RAD18: variants seen among roughly 807,000 people sequenced by gnomAD.
RAD18 encodes E3 ubiquitin-protein ligase RAD18.
A neutral mutation model predicts 60.4 loss-of-function variants in RAD18; 47 were observed. The observed-to-expected ratio is 0.78, with a 90% CI of 0.62 to 0.99. RAD18 has a LOEUF of 0.99. Ranked by LOEUF, RAD18 falls within the 50% of genes least tolerant of loss-of-function variation. The pLI, the probability that RAD18 is intolerant of heterozygous loss-of-function variation, is 0.00. For missense variants in RAD18, 640 were observed against 593.3 expected (o/e 1.08, Z -0.82); for synonymous variants, 225 against 195.5 (o/e 1.15, Z -1.26).
intron 11 of RAD18, among the ~76,000 whole-genome samples, chr3:8,893,385 A>G (rs1039075855): frequency 2.0e-5 from 3 of 152,184 alleles, no homozygotes; most frequent in African/African-American, 4.8e-5. Flanking sequence ...TCCAATTTAA[A>G]ACAATAACTC....
At chr3:8,923,536 A>G (rs1001554612) in intron 7 of RAD18, among the ~76,000 whole-genome samples, 2 of 152,116 alleles carry the variant, frequency 1.3e-5, no homozygotes, top group Non-Finnish European at 2.9e-5. Context: ...AAGGCAGCCC[A>G]ACATTCACAT....
intron 2 of RAD18, among the ~76,000 whole-genome samples, chr3:8,958,104 AT>A (rs1018924028): frequency 6.6e-6 from 1 of 152,168 alleles, no homozygotes; most frequent in African/African-American, 2.4e-5. Flanking sequence ...TTCTCACCCG[AT>A]TTTCAAGAGT....
At chr3:8,889,205 ATAG>A (rs1175414470) in intron 12 of RAD18, among the ~76,000 whole-genome samples, 2 of 152,212 alleles carry the variant, frequency 1.3e-5, no homozygotes, top group Non-Finnish European at 2.9e-5. Context: ...CTTTGGAAAG[ATAG>A]TAGAGTTTAA....
intron 11 of RAD18, among the ~76,000 whole-genome samples, chr3:8,892,433 C>A (rs1342934018): frequency 6.6e-6 from 1 of 152,176 alleles, no homozygotes; most frequent in Admixed American, 6.5e-5. Context: ...AAAATCGAAT[C>A]TTGAATTCGA....
intron 4 of RAD18, among the ~76,000 whole-genome samples, chr3:8,943,533 A>G (rs1258656668): frequency 3.3e-5 from 5 of 152,164 alleles, no homozygotes; most frequent in Non-Finnish European, 7.3e-5. Context: ...TGAAAAAGAC[A>G]AACACAAAAA....
intron 10 of RAD18, among the ~76,000 whole-genome samples, chr3:8,900,427 T>C (rs1939888276): frequency 6.6e-6 from 1 of 152,230 alleles, no homozygotes; most frequent in South Asian, 2.1e-4. Flanking sequence ...TCTTTTATTT[T>C]TGCACATTGT....
At chr3:8,947,189 G>A (rs1349117105) in intron 4 of RAD18, 31 bp downstream of exon 4, 1 of 1,523,500 alleles carries the variant, frequency 6.6e-7, no homozygotes. Context: ...GGCAAAAGTA[G>A]TTAGAGGTTA....
intron 7 of RAD18, among the ~76,000 whole-genome samples, chr3:8,917,946 A>T (rs1283099029): frequency 2.0e-5 from 3 of 152,208 alleles, no homozygotes; most frequent in Admixed American, 2.0e-4. Context: ...GTAAACAGTC[A>T]TGAAAAGAAA....
chr3:8,902,344 T>C (rs776147901), intron 10 of RAD18, 36 bp downstream of exon 10: 8 of 1,446,128 alleles, frequency 5.5e-6, no homozygotes, highest in African/African-American at 1.5e-5. Context: ...AATAATGAAA[T>C]TCGACATATG....
chr3:8,928,509 T>C (rs1012890052), intron 7 of RAD18, among the ~76,000 whole-genome samples: 2 of 152,150 alleles, frequency 1.3e-5, no homozygotes, highest in African/African-American at 4.8e-5. Context: ...TCATATCAGA[T>C]AGATTTTTGA....
rs888719925 is a variant in RAD18 at position 8,880,080 on chromosome 3, G to A, written c.*1277C>T. On this transcript the variant is annotated 3_prime_UTR_variant, in exon 13 of 13. Transcript: ENST00000264926. ...TTTAGTTTCCTTAATGCACCCCTCA[G>A]GATTTCATGCAAATGAAATTATTAT... The A allele has an allele frequency of 2.0e-5, 3 of 152,108 alleles. No homozygotes were observed. The highest frequency in any genetic ancestry group is 1.3e-4 in the Admixed American group (2 of 15,268). 9.4% of individuals were successfully genotyped at this position (152,108 alleles called of 1,614,324 possible). A position where few individuals can be genotyped will look rare whatever the true frequency, so the allele number is the denominator to read the frequency against.
chr3:8,963,320 C>T lies in RAD18; in HGVS notation c.51+15G>A. On this transcript the variant is annotated intron_variant, in intron 1 of 12. Transcript: ENST00000264926. Reference sequence around the variant, plus strand: ...GCAGACACCCGGGAGCTCCCAAACTCCCCGAAGCACTCACCTTCATGACTG... The same window carrying T: ...GCAGACACCCGGGAGCTCCCAAACTTCCCGAAGCACTCACCTTCATGACTG... 6.2e-7 allele frequency: 1 copy of T among 1,607,934 alleles called. No individual in the cohort carries two copies. The highest frequency in any genetic ancestry group is 8.5e-7 in the Non-Finnish European group (1 of 1,177,150).
chr3:8,889,103 C>T (rs1012957804), intron 12 of RAD18, among the ~76,000 whole-genome samples: 5 of 152,126 alleles, frequency 3.3e-5, no homozygotes, highest in African/African-American at 9.7e-5. Context: ...ATAATAAAAC[C>T]ATGTGTGCCC....
intron 7 of RAD18, 88 bp from the exon 8 acceptor site, chr3:8,913,808 G>A: frequency 1.3e-6 from 1 of 798,498 alleles, no homozygotes; most frequent in Non-Finnish European, 1.9e-6. Context: ...AACATTAGAA[G>A]AAGATGGGTG....
chr3:8,946,131 C>G (rs1042299101), intron 4 of RAD18, among the ~76,000 whole-genome samples: 1 of 152,210 alleles, frequency 6.6e-6, no homozygotes, highest in Non-Finnish European at 1.5e-5. Flanking sequence ...GTCCTGAAAG[C>G]TCCATTCATA....
intron 7 of RAD18, 28 bp downstream of exon 7, chr3:8,935,843 A>G (rs1244716466): frequency 1.3e-6 from 2 of 1,494,790 alleles, no homozygotes; most frequent in East Asian, 2.4e-5. Context: ...CCAGAAAGTA[A>G]GCATAACTCA....
chr3:8,893,430 C>T (rs557107922), intron 11 of RAD18, among the ~76,000 whole-genome samples: 4 of 152,194 alleles, frequency 2.6e-5, no homozygotes, highest in Admixed American at 6.5e-5. Flanking sequence ...CAATGCAGGA[C>T]AACATGCCTA....
chr3:8,890,076 A>G, intron 12 of RAD18: 1 of 343,136 alleles, frequency 2.9e-6, no homozygotes, highest in South Asian at 3.3e-5. Context: ...TGATGTTCCC[A>G]CAACAATGAA....
At chr3:8,946,253 G>A (rs986140533) in intron 4 of RAD18, among the ~76,000 whole-genome samples, 13 of 152,164 alleles carry the variant, frequency 8.5e-5, no homozygotes, top group Admixed American at 4.6e-4. Flanking sequence ...ACTGCCTACC[G>A]TATTAGCTAT....
Sources: gnomAD v4.1 joint callset for allele counts (sites outside exome capture counted in the v4.1 genomes callset) on GRCh38, gnomAD v4.1.1 for gene constraint, MANE v1.5 for transcripts, NCBI Gene and HGNC (gene_info 2026-07-23, HGNC 2026-07-21) for gene names.